The following FAM13A variants were observed in gnomAD, a reference collection of about 807,000 sequenced individuals.
FAM13A encodes family with sequence similarity 13 member A, also known as protein FAM13A.
In FAM13A, 76 loss-of-function variants were observed where a neutral mutation model predicts 129.6. The ratio of observed to expected loss-of-function variants is 0.59; its 90% CI spans 0.49 to 0.71. The LOEUF is 0.71. Ranked by LOEUF, FAM13A falls within the 30% of genes least tolerant of loss-of-function variation. The pLI is 0.00. For synonymous variants in FAM13A, 443 were observed against 449.9 expected, an observed-to-expected ratio of 0.98 and a Z score of 0.20; for missense variants, 1,108 against 1,249.3, an observed-to-expected ratio of 0.89 and a Z score of 1.70.
chr4:88,921,857 T>C (rs1405558898), intron 5 of FAM13A, among the ~76,000 whole-genome samples: 1 of 151,902 alleles, frequency 6.6e-6, no homozygotes, highest in Non-Finnish European at 1.5e-5. Context: ...TGGAGGAAGA[T>C]CTATCAAGCA....
Position 88,969,878 on chromosome 4 carries a change from T to C in FAM13A, c.605+21095A>G, listed in dbSNP as rs545602639. Among the ~76,000 whole-genome samples, 78 of 152,228 alleles carry C rather than the reference T, an allele frequency of 5.1e-4. 1 individual carries two copies. Among genetic ancestry groups the C allele is most frequent in the South Asian group, 4.1e-4 (2 of 4,830 alleles). On this transcript the variant is annotated intron_variant, in intron 4 of 23. Coordinates refer to ENST00000264344, the MANE Select transcript of FAM13A (RefSeq NM_014883.4). ...ATCCAGTCAGTCTAGTGCTGAAGCC[T>C]ATGCTCTGAAGTGTTTTCTAGCCTG...
At chr4:88,734,637 A>G (rs1273620915) in intron 21 of FAM13A, among the ~76,000 whole-genome samples, 1 of 152,138 alleles carries the variant, frequency 6.6e-6, no homozygotes, top group Non-Finnish European at 1.5e-5. Context: ...TCCCTTGGGG[A>G]CATCGGGCAA....
Position 88,991,163 on chromosome 4 carries a change from A to G in FAM13A, c.428-13T>C, listed in dbSNP as rs1560690996. 3 of 1,601,960 alleles carry G rather than the reference A, an allele frequency of 1.9e-6. No homozygotes were observed. The highest frequency in any genetic ancestry group is 2.6e-6 in the Non-Finnish European group (3 of 1,171,638). Reference sequence around the variant, plus strand: ...TCATTTCTGCCATCTGGAAAAAAAAAGAATAAAAATGTTCTAAGGTATATT... The same window carrying G: ...TCATTTCTGCCATCTGGAAAAAAAAGGAATAAAAATGTTCTAAGGTATATT... On this transcript the variant is annotated splice_polypyrimidine_tract_variant and intron_variant, in intron 3 of 23. Transcript: ENST00000264344.
rs561739772 is a variant in FAM13A, at chr4:88,929,096, G to C, written c.759+8992C>G. On this transcript the variant is annotated intron_variant, in intron 5 of 23. Coordinates refer to ENST00000264344, the MANE Select transcript of FAM13A (RefSeq NM_014883.4). ...CCAGTCTAGTGGTGACAGATTGTCTGAGCATTTGCTTGTCTAATAAAAACT... is the reference window on the plus strand; with the variant it reads ...CCAGTCTAGTGGTGACAGATTGTCTCAGCATTTGCTTGTCTAATAAAAACT... Among the ~76,000 whole-genome samples the C allele has an allele frequency of 2.6e-5, 4 of 152,192 alleles. No individual in the cohort carries two copies. The South Asian group carries it at 6.2e-4, about 24-fold the overall frequency.
Position 88,728,600 on chromosome 4 carries a change from A to G in FAM13A, c.3005T>C (p.Ile1002Thr), listed in dbSNP as rs1446079655. Residue 1002 changes from isoleucine to threonine, a missense_variant, in exon 24 of 24, where the codon ATA (isoleucine) becomes ACA (threonine). Around this residue, in one of 3 missense-constraint regions of FAM13A, gnomAD observed 529 missense variants for 621.2 expected, o/e 0.85. Transcript: ENST00000264344. ...CTCCAGGAGCCTCAGTTTCGCCTTTATGTGCTTATATTCACTGTATTCTTC... is the reference window on the plus strand; with the variant it reads ...CTCCAGGAGCCTCAGTTTCGCCTTTGTGTGCTTATATTCACTGTATTCTTC... The part of the protein sequence containing the change: ...MAEEYSEYKH[I>T]KAKLRLLEVL... The G allele has an allele frequency of 1.2e-6, 2 of 1,614,004 alleles. No individual in the cohort carries two copies. Among genetic ancestry groups the G allele is most frequent in the African/African-American group, 1.3e-5 (1 of 74,900 alleles).
At chr4:88,955,778 C>T (rs537076277) in intron 4 of FAM13A, among the ~76,000 whole-genome samples, 45 of 152,162 alleles carry the variant, frequency 3.0e-4, no homozygotes, top group Non-Finnish European at 5.7e-4. Context: ...TTTGCCCTTG[C>T]CCTAGAGGTC....
chr4:88,894,040 T>C (rs567749269), intron 6 of FAM13A, among the ~76,000 whole-genome samples: 26 of 152,098 alleles, frequency 1.7e-4, no homozygotes, highest in African/African-American at 5.5e-4. Flanking sequence ...AACCATTAGG[T>C]TGAGAAAAAG....
At chr4:88,752,266 AC>A (rs1742781016) in intron 14 of FAM13A, among the ~76,000 whole-genome samples, 1 of 152,186 alleles carries the variant, frequency 6.6e-6, no homozygotes, top group Non-Finnish European at 1.5e-5. Context: ...AGATAAGGAA[AC>A]TGAAACCCCA....
At chr4:89,005,579 G>T (rs1248088867) in intron 3 of FAM13A, among the ~76,000 whole-genome samples, 1 of 152,142 alleles carries the variant, frequency 6.6e-6, no homozygotes, top group East Asian at 1.9e-4. Context: ...ATCAGCATCT[G>T]TTAATTTTTG....
rs1044249584 is a variant in FAM13A at position 88,863,348 on chromosome 4, A to C, written c.844-12165T>G. Among the ~76,000 whole-genome samples, 79 of 152,084 alleles carry C rather than the reference A, an allele frequency of 5.2e-4. 2 individuals are homozygous for C. The highest frequency in any genetic ancestry group is 1.8e-3 in the African/African-American group (76 of 41,418). ...TTGGTGAATACATGGAGGTGCTGCGAGGGTGGTGTGCCCAGAAGGGGCACT... is the reference window on the plus strand; with the variant it reads ...TTGGTGAATACATGGAGGTGCTGCGCGGGTGGTGTGCCCAGAAGGGGCACT... On this transcript the variant is annotated intron_variant, in intron 6 of 23. Coordinates refer to ENST00000264344, the MANE Select transcript of FAM13A (RefSeq NM_014883.4).
chr4:88,927,410 TTACTC>T (rs1178208582), intron 5 of FAM13A, among the ~76,000 whole-genome samples: 1 of 151,360 alleles, frequency 6.6e-6, no homozygotes, highest in Non-Finnish European at 1.5e-5. Context: ...ATAATTTGAC[TTACTC>T]TACTCCAATT....
chr4:88,848,298 A>G (rs1737016147), intron 7 of FAM13A, among the ~76,000 whole-genome samples: 1 of 152,210 alleles, frequency 6.6e-6, no homozygotes, highest in Non-Finnish European at 1.5e-5. Context: ...GCTGCGTTAC[A>G]CAAGATATGG....
intron 7 of FAM13A, chr4:88,823,008 C>T (rs1205936819): frequency 7.4e-6 from 12 of 1,613,626 alleles, no homozygotes; most frequent in Non-Finnish European, 9.3e-6. Context: ...AAGCCATTCT[C>T]GTATGTAAAT....
At chr4:88,870,429 C>G (rs1159548369) in intron 6 of FAM13A, among the ~76,000 whole-genome samples, 1 of 152,216 alleles carries the variant, frequency 6.6e-6, no homozygotes, top group Non-Finnish European at 1.5e-5. Flanking sequence ...CACTCCTGCC[C>G]TAATACTGCA....
At chr4:89,021,640 G>C (rs1767268324) in intron 2 of FAM13A, among the ~76,000 whole-genome samples, 1 of 152,166 alleles carries the variant, frequency 6.6e-6, no homozygotes, top group Non-Finnish European at 1.5e-5. Flanking sequence ...AGCAATAAGT[G>C]AGGAAAAAGA....
At chr4:89,030,272 A>T (rs893826032) in intron 1 of FAM13A, among the ~76,000 whole-genome samples, 1 of 152,100 alleles carries the variant, frequency 6.6e-6, no homozygotes. Context: ...ATTTTTCAAC[A>T]AGATTGTATT....
intron 6 of FAM13A, among the ~76,000 whole-genome samples, chr4:88,888,477 G>T (rs1229734007): frequency 2.0e-5 from 3 of 152,074 alleles, no homozygotes; most frequent in East Asian, 1.9e-4. Context: ...AAAGCAAACA[G>T]ATCAAAAGTC....
intron 23 of FAM13A, 149 bp downstream of exon 23, chr4:88,731,178 C>A: frequency 1.7e-6 from 1 of 576,550 alleles, no homozygotes; most frequent in Non-Finnish European, 3.1e-6. Context: ...CTAAGTGTCC[C>A]TGGGCACAAA....
At chr4:88,797,244 C>G (rs576964980) in intron 8 of FAM13A, among the ~76,000 whole-genome samples, 31 of 150,200 alleles carry the variant, frequency 2.1e-4, no homozygotes, top group African/African-American at 7.6e-4. Flanking sequence ...ACTTTCACAT[C>G]TAACATTATT....
Sources: allele counts gnomAD v4.1 joint callset (sites outside exome capture counted in the v4.1 genomes callset), GRCh38; gene constraint gnomAD v4.1.1; regional missense constraint gnomAD v4.1.1; transcripts MANE v1.5; gene names NCBI Gene and HGNC (gene_info 2026-07-23, HGNC 2026-07-21).